CSMD1: variants seen among roughly 807,000 people sequenced by gnomAD.
The protein encoded by CSMD1 is CUB and Sushi multiple domains 1.
In CSMD1, 213 loss-of-function variants were observed where a neutral mutation model predicts 417.5. The observed-to-expected ratio is 0.51, with a 90% CI of 0.46 to 0.57. The LOEUF is 0.57. Ranked by LOEUF, CSMD1 falls within the 20% of genes least tolerant of loss-of-function variation. The pLI is 0.00. For synonymous variants in CSMD1, 2,862 were observed against 1,736.8 expected (o/e 1.65, Z -16.11); for missense variants, 6,923 against 4,529.7 (o/e 1.53, Z -15.17).
At chr8:4,838,167 G>T (rs1036104812) in intron 1 of CSMD1, among the ~76,000 whole-genome samples, 2 of 152,138 alleles carry the variant, frequency 1.3e-5, no homozygotes, top group African/African-American at 2.4e-5. Context: ...GCTACTTGTG[G>T]AAGTTAGCTT....
Position 4,540,568 on chromosome 8 carries a change from C to A in CSMD1, c.302+96774G>T, listed in dbSNP as rs146910796. Among the ~76,000 whole-genome samples the A allele has an allele frequency of 3.3e-5, 5 of 152,122 alleles. No homozygotes were observed. The East Asian group carries it at 9.7e-4, about 29-fold the overall frequency. ...CTAATGGATGGGAAAGAAATGAAAA[C>A]AGATTATTTTAATTAAAGATAATAA... is the stretch of plus-strand genomic sequence containing the variant. On this transcript the variant is annotated intron_variant, in intron 2 of 69. Coordinates refer to ENST00000635120, the MANE Select transcript of CSMD1 (RefSeq NM_033225.6).
intron 11 of CSMD1, among the ~76,000 whole-genome samples, chr8:3,475,910 C>A (rs192448221): frequency 3.3e-5 from 5 of 152,284 alleles, no homozygotes; most frequent in Admixed American, 2.0e-4. Flanking sequence ...TTAATGACAA[C>A]CATAAGATAC....
At chr8:3,694,954 G>A (rs760567345) in intron 7 of CSMD1, among the ~76,000 whole-genome samples, 1 of 152,040 alleles carries the variant, frequency 6.6e-6, no homozygotes, top group South Asian at 2.1e-4. Context: ...AGTATGTCAA[G>A]AAAAGTAGTG....
In CSMD1 at chr8:4,698,291, G is replaced by C. The variant is rs77440985; in HGVS notation, c.86-60733C>G. 1.5e-4 allele frequency among the ~76,000 whole-genome samples: 23 copies of C among 152,182 alleles called. No homozygotes were observed. The East Asian group carries it at 2.7e-3, about 18-fold the overall frequency. The stretch of plus-strand genomic sequence containing the variant: ...TGTGTCGAATGCTGTATAAAGGCTC[G>C]TTTCAAATGAGTTTTTGATGAACAA... On this transcript the variant is annotated intron_variant, in intron 1 of 69. Coordinates refer to ENST00000635120, the MANE Select transcript of CSMD1 (RefSeq NM_033225.6).
intron 3 of CSMD1, among the ~76,000 whole-genome samples, chr8:4,166,584 A>C (rs1316731270): frequency 6.6e-6 from 1 of 152,164 alleles, no homozygotes; most frequent in Non-Finnish European, 1.5e-5. Flanking sequence ...GAATGATATA[A>C]TGGACTTTGG....
intron 3 of CSMD1, among the ~76,000 whole-genome samples, chr8:4,091,823 A>G (rs989637014): frequency 2.6e-5 from 4 of 152,218 alleles, no homozygotes; most frequent in Admixed American, 2.0e-4. Context: ...CTTATCCTTA[A>G]AATGGACTAT....
intron 2 of CSMD1, among the ~76,000 whole-genome samples, chr8:4,607,989 G>T (rs1800970964): frequency 1.3e-5 from 2 of 152,258 alleles, no homozygotes; most frequent in South Asian, 4.2e-4. Flanking sequence ...ATTATATACA[G>T]TGGTCAGAGA....
intron 26 of CSMD1, among the ~76,000 whole-genome samples, chr8:3,263,082 T>A (rs991453933): frequency 6.6e-6 from 1 of 152,238 alleles, no homozygotes; most frequent in Non-Finnish European, 1.5e-5. Flanking sequence ...ATTGTCCTTA[T>A]ATGTTTTCTC....
chr8:4,006,130 T>C (rs1816090232), intron 4 of CSMD1, among the ~76,000 whole-genome samples: 1 of 152,180 alleles, frequency 6.6e-6, no homozygotes, highest in Non-Finnish European at 1.5e-5. Context: ...GATATTCACA[T>C]ATCAACCACA....
At chr8:4,956,969 ACC>A (rs1195298714) in intron 1 of CSMD1, among the ~76,000 whole-genome samples, 1 of 152,224 alleles carries the variant, frequency 6.6e-6, no homozygotes, top group Non-Finnish European at 1.5e-5. Flanking sequence ...GGGAAGCCTA[ACC>A]ATGCTCCTGA....
At chr8:4,076,526 C>A (rs576478589) in intron 3 of CSMD1, among the ~76,000 whole-genome samples, 57 of 151,884 alleles carry the variant, frequency 3.8e-4, no homozygotes, top group Admixed American at 1.6e-3. Flanking sequence ...ACAAATAGAG[C>A]CAAAAACGAA....
chr8:3,149,393 C>T (rs1251336596), intron 40 of CSMD1, among the ~76,000 whole-genome samples: 1 of 152,126 alleles, frequency 6.6e-6, no homozygotes, highest in African/African-American at 2.4e-5. Context: ...GGTGACTTTC[C>T]TATTTGTTTC....
At chr8:4,841,740 G>C (rs763407316) in intron 1 of CSMD1, among the ~76,000 whole-genome samples, 1 of 151,580 alleles carries the variant, frequency 6.6e-6, no homozygotes. Context: ...GTGAAACCCT[G>C]TCTCTACTAA....
chr8:3,785,901 G>T (rs1013240814), intron 5 of CSMD1, among the ~76,000 whole-genome samples: 1 of 152,224 alleles, frequency 6.6e-6, no homozygotes, highest in Non-Finnish European at 1.5e-5. Context: ...ACATTAACAA[G>T]ATTTCTCTGT....
chr8:3,962,862 A>G (rs1196013623), intron 5 of CSMD1, among the ~76,000 whole-genome samples: 1 of 152,144 alleles, frequency 6.6e-6, no homozygotes, highest in Admixed American at 6.5e-5. Flanking sequence ...GATTTCTATT[A>G]TTCAAGCTGT....
At chr8:3,129,069 G>A (rs1265351606) in intron 41 of CSMD1, among the ~76,000 whole-genome samples, 2 of 152,118 alleles carry the variant, frequency 1.3e-5, no homozygotes, top group African/African-American at 2.4e-5. Flanking sequence ...AACGCTCAAA[G>A]GCCACGGAGT....
At chr8:3,786,081 G>T (rs1333882724) in intron 5 of CSMD1, among the ~76,000 whole-genome samples, 6 of 152,230 alleles carry the variant, frequency 3.9e-5, no homozygotes, top group African/African-American at 1.2e-4. Flanking sequence ...AGGCCTCATT[G>T]AAAGACTGGG....
At chr8:3,913,977 CA>C (rs1808633457) in intron 5 of CSMD1, among the ~76,000 whole-genome samples, 1 of 151,896 alleles carries the variant, frequency 6.6e-6, no homozygotes, top group Non-Finnish European at 1.5e-5. Flanking sequence ...GTACTTTAGC[CA>C]ATATTTAAAT....
At chr8:4,126,169 C>G (rs1802753291) in intron 3 of CSMD1, among the ~76,000 whole-genome samples, 1 of 152,188 alleles carries the variant, frequency 6.6e-6, no homozygotes, top group South Asian at 2.1e-4. Context: ...CCCAAGCCCC[C>G]ACCCACCAAA....
Sources: gnomAD v4.1 joint callset for allele counts (sites outside exome capture counted in the v4.1 genomes callset) on GRCh38, gnomAD v4.1.1 for gene constraint, MANE v1.5 for transcripts, NCBI Gene and HGNC (gene_info 2026-07-23, HGNC 2026-07-21) for gene names.